The following ADAM20 variants were observed in gnomAD, a reference collection of about 807,000 sequenced individuals.
ADAM20 encodes ADAM metallopeptidase domain 20.
For missense variants in ADAM20, 871 were observed against 883.2 expected (o/e 0.99, Z 0.18); for synonymous variants, 305 against 310.2 (o/e 0.98, Z 0.18).
the ADAM20 span, among the ~76,000 whole-genome samples, chr14:70,561,419 T>C: frequency 2.0e-5 from 3 of 152,172 alleles, no homozygotes; most frequent in Non-Finnish European, 2.9e-5. Context: ...GTTTAGAAAA[T>C]TTGTAGTCTG....
chr14:70,544,959 T>C, the ADAM20 span, among the ~76,000 whole-genome samples: 2 of 152,178 alleles, frequency 1.3e-5, no homozygotes, highest in Admixed American at 1.3e-4. Flanking sequence ...TCAATATTAA[T>C]AGGGAAAACA....
chr14:70,538,656 G>A (rs1299544262), upstream of ADAM20, among the ~76,000 whole-genome samples: 2 of 152,134 alleles, frequency 1.3e-5, no homozygotes, highest in Admixed American at 6.6e-5. Context: ...AACAGAAAAG[G>A]CACCAAAAAT....
the ADAM20 span, among the ~76,000 whole-genome samples, chr14:70,571,094 A>T: frequency 3.3e-5 from 5 of 152,236 alleles, no homozygotes. Flanking sequence ...ACATCGAAGG[A>T]ACATACCTCA....
At chr14:70,576,588 T>C in the ADAM20 span, among the ~76,000 whole-genome samples, 1 of 152,094 alleles carries the variant, frequency 6.6e-6, no homozygotes, top group Non-Finnish European at 1.5e-5. Flanking sequence ...CATAAACAAC[T>C]GACCCTCAGA....
chr14:70,562,614 T>C, the ADAM20 span, among the ~76,000 whole-genome samples: 1 of 152,188 alleles, frequency 6.6e-6, no homozygotes, highest in African/African-American at 2.4e-5. Flanking sequence ...ATAGGGCAGA[T>C]TCCTCCCTTG....
At chr14:70,556,914 G>C in the ADAM20 span, 4 of 152,224 alleles carry the variant, frequency 2.6e-5, no homozygotes, top group Admixed American at 2.6e-4. Context: ...ACACTTTGTG[G>C]TCTACAGTGT....
In ADAM20 at chr14:70,522,689, T is replaced by C. The variant is rs754014760; in HGVS notation, c.2069A>G (p.Lys690Arg). The C allele has an allele frequency of 2.5e-6, 4 of 1,613,904 alleles. No homozygotes were observed. In the Admixed American group the frequency reaches 6.7e-5, roughly 27 times the overall value. Reference sequence around the variant, plus strand: ...GCACAATAGTGACAGGTAACGCAACTTTCCCATCACATTTAATCCTTCCAT... The same window carrying C: ...GCACAATAGTGACAGGTAACGCAACCTTCCCATCACATTTAATCCTTCCAT... ...NNMEGLNVMGKLRYLSLLCLL... is the reference protein window; with the variant it reads ...NNMEGLNVMGRLRYLSLLCLL... The change falls in exon 2 of 2, where the codon AAG becomes AGG. Residue 690 changes from lysine (K) to arginine (R), a missense_variant. Physicochemically the swap from Lys to Arg is conservative, Grantham distance 26. Transcript: ENST00000256389.
chr14:70,523,690 C>A lies in ADAM20; in HGVS notation c.1068G>T (p.Trp356Cys). The A allele has an allele frequency of 6.2e-7, 1 of 1,614,090 alleles. No homozygotes were observed. The highest frequency in any genetic ancestry group is 8.5e-7 in the Non-Finnish European group (1 of 1,179,992). The change falls in exon 2 of 2, where the codon TGG becomes TGT. Residue 356 changes from tryptophan (W) to cysteine (C), a missense_variant. Transcript: ENST00000256389. ...TGCACCACTGTAGCTCGCACACACA[C>A]CACTGGGTGTCATGTTGCATACCCA... ...HNLGMQHDTQ[W>C]CVCELQWCIM...
chr14:70,522,467 T>C lies in ADAM20; in HGVS notation c.*110A>G. The C allele has an allele frequency of 1.8e-6, 2 of 1,108,308 alleles. No homozygotes were observed. The highest frequency in any genetic ancestry group is 2.6e-5 in the East Asian group (1 of 38,840). The allele number at this position is 1,108,308 out of a possible 1,614,324, so 68.7% of individuals were successfully genotyped here. A position where few individuals can be genotyped will look rare whatever the true frequency, so the allele number is the denominator to read the frequency against. On this transcript the variant is annotated 3_prime_UTR_variant, in exon 2 of 2. Coordinates refer to ENST00000256389, the MANE Select transcript of ADAM20 (RefSeq NM_003814.5). ...ATGCTTGCAATCCTGACATGAAATGTCCATGAAGTTTTATTTAAACAGTGA... is the reference window on the plus strand; with the variant it reads ...ATGCTTGCAATCCTGACATGAAATGCCCATGAAGTTTTATTTAAACAGTGA...
At chr14:70,566,855 G>A in the ADAM20 span, among the ~76,000 whole-genome samples, 1 of 152,120 alleles carries the variant, frequency 6.6e-6, no homozygotes, top group African/African-American at 2.4e-5. Context: ...TGTGGCAGGT[G>A]CCTATAATCC....
chr14:70,546,947 C>A, the ADAM20 span, among the ~76,000 whole-genome samples: 1 of 151,954 alleles, frequency 6.6e-6, no homozygotes, highest in African/African-American at 2.4e-5. Context: ...AATTGACAAA[C>A]CTTCAGCAAG....
intron 1 of ADAM20, among the ~76,000 whole-genome samples, chr14:70,533,101 C>T (rs1427266362): frequency 6.6e-6 from 1 of 152,114 alleles, no homozygotes; most frequent in African/African-American, 2.4e-5. Flanking sequence ...CAGGAAATAA[C>T]AGATGTTAGA....
At chr14:70,541,847 G>A in the ADAM20 span, among the ~76,000 whole-genome samples, 1 of 152,116 alleles carries the variant, frequency 6.6e-6, no homozygotes, top group African/African-American at 2.4e-5. Context: ...TAATTGTTAT[G>A]TTCAAATTAT....
intron 1 of ADAM20, among the ~76,000 whole-genome samples, chr14:70,532,376 A>AC (rs1333040733): frequency 2.6e-5 from 4 of 152,186 alleles, no homozygotes; most frequent in Non-Finnish European, 4.4e-5. Context: ...ACTTTAAAAA[A>AC]ACACACACGA....
At position 70,522,400 on chromosome 14, in the gene ADAM20, A is replaced by C. The variant is rs1225169299; in HGVS notation, c.*177T>G. On this transcript the variant is annotated 3_prime_UTR_variant, in exon 2 of 2. Transcript: ENST00000256389. The stretch of plus-strand genomic sequence containing the variant: ...TTTAATATTGCTTAAGACACTGTAG[A>C]GTAAGTAAGAATAGGCTAGGAATCC... 3 of 657,204 alleles carry C rather than the reference A, an allele frequency of 4.6e-6. No homozygotes were observed. Among genetic ancestry groups the C allele is most frequent in the East Asian group, 5.6e-5 (2 of 35,422 alleles). The allele number at this position is 657,204 out of a possible 1,614,324, so 40.7% of individuals were successfully genotyped here.
chr14:70,562,056 G>A, the ADAM20 span, among the ~76,000 whole-genome samples: 510 of 152,328 alleles, frequency 3.3e-3, no homozygotes, highest in Non-Finnish European at 5.8e-3. Context: ...AGCTTGAACC[G>A]AGCACATGGA....
chr14:70,545,966 C>T, the ADAM20 span, among the ~76,000 whole-genome samples: 1 of 152,210 alleles, frequency 6.6e-6, no homozygotes, highest in Non-Finnish European at 1.5e-5. Context: ...CAAAACAAGT[C>T]TGAAAACATT....
chr14:70,564,088 C>G, the ADAM20 span, among the ~76,000 whole-genome samples: 1 of 152,144 alleles, frequency 6.6e-6, no homozygotes, highest in Admixed American at 6.6e-5. Context: ...GTGTACTCCC[C>G]AAGGGCTAAT....
the ADAM20 span, among the ~76,000 whole-genome samples, chr14:70,577,393 G>A: frequency 5.9e-5 from 9 of 152,158 alleles, no homozygotes; most frequent in Non-Finnish European, 1.3e-4. Context: ...TATCTCAACA[G>A]ATGCTCCTCC....
Sources: gnomAD v4.1 joint callset for allele counts (sites outside exome capture counted in the v4.1 genomes callset) on GRCh38, gnomAD v4.1.1 for gene constraint, MANE v1.5 for transcripts, NCBI Gene and HGNC (gene_info 2026-07-23, HGNC 2026-07-21) for gene names.